Variants in CSMD1 observed in about 807,000 individuals in gnomAD.
CSMD1 encodes CUB and sushi domain-containing protein 1.
In CSMD1, 213 loss-of-function variants were observed where a neutral mutation model predicts 417.5. The observed-to-expected ratio is 0.51, with a 90% CI of 0.46 to 0.57. The LOEUF (loss-of-function observed/expected upper bound fraction) is 0.57, where lower values mean the gene tolerates loss of function less well. Ranked by LOEUF, CSMD1 falls within the 20% of genes least tolerant of loss-of-function variation. The pLI is 0.00. For missense variants in CSMD1, 6,923 were observed against 4,529.7 expected (o/e 1.53, Z -15.17); for synonymous variants, 2,862 against 1,736.8 (o/e 1.65, Z -16.11).
intron 3 of CSMD1, among the ~76,000 whole-genome samples, chr8:4,040,724 G>T (rs112141946): frequency 6.6e-6 from 1 of 152,128 alleles, no homozygotes; most frequent in Admixed American, 6.5e-5. Context: ...CTGCAGGAGA[G>T]ACTGCAGCAA....
chr8:4,797,030 G>A (rs1411858667), intron 1 of CSMD1, among the ~76,000 whole-genome samples: 1 of 152,156 alleles, frequency 6.6e-6, no homozygotes, highest in Non-Finnish European at 1.5e-5. Flanking sequence ...AAGGGAGACT[G>A]TCAGCTAATT....
At chr8:3,426,661 T>A (rs270066) in intron 12 of CSMD1, among the ~76,000 whole-genome samples, 1 of 152,004 alleles carries the variant, frequency 6.6e-6, no homozygotes, top group Admixed American at 6.6e-5. Flanking sequence ...TTTTAAAAAC[T>A]TGTCAACTTA....
At chr8:3,887,456 C>G (rs946782622) in intron 5 of CSMD1, among the ~76,000 whole-genome samples, 2 of 152,156 alleles carry the variant, frequency 1.3e-5, no homozygotes, top group African/African-American at 4.8e-5. Context: ...GAAAGTGGGG[C>G]TAATTTTGTT....
At chr8:3,642,870 A>G (rs954274345) in intron 7 of CSMD1, among the ~76,000 whole-genome samples, 3 of 150,882 alleles carry the variant, frequency 2.0e-5, no homozygotes, top group Non-Finnish European at 3.0e-5. Context: ...TAGATTATAC[A>G]TATATATAGA....
intron 1 of CSMD1, among the ~76,000 whole-genome samples, chr8:4,643,135 G>C (rs951936348): frequency 1.3e-5 from 2 of 152,180 alleles, no homozygotes; most frequent in African/African-American, 4.8e-5. Flanking sequence ...TGTCTCATTG[G>C]AGATAAACAT....
chr8:4,201,036 A>G (rs991188873), intron 3 of CSMD1, among the ~76,000 whole-genome samples: 1 of 152,204 alleles, frequency 6.6e-6, no homozygotes, highest in Non-Finnish European at 1.5e-5. Context: ...GATACTACAG[A>G]GACGAATTCA....
rs543817410 is a variant in CSMD1 at position 4,198,383 on chromosome 8, A to T, written c.416-166284T>A. On this transcript the variant is annotated intron_variant, in intron 3 of 69. Transcript: ENST00000635120. ...AGCCTGAACTTTGTCCTACACTGTGATGGACAGAGACTTTTCAGAATTTTC... is the reference window on the plus strand; with the variant it reads ...AGCCTGAACTTTGTCCTACACTGTGTTGGACAGAGACTTTTCAGAATTTTC... 4.3e-4 allele frequency among the ~76,000 whole-genome samples: 65 copies of T among 152,336 alleles called. 1 individual carries two copies. The South Asian group carries it at 0.013, about 30-fold the overall frequency.
At chr8:3,683,938 A>G (rs928056016) in intron 7 of CSMD1, among the ~76,000 whole-genome samples, 1 of 151,896 alleles carries the variant, frequency 6.6e-6, no homozygotes, top group African/African-American at 2.4e-5. Flanking sequence ...GTTTTAGCAA[A>G]TTTAGGACAA....
chr8:4,131,204 G>A (rs529134361), intron 3 of CSMD1, among the ~76,000 whole-genome samples: 2 of 152,274 alleles, frequency 1.3e-5, no homozygotes, highest in East Asian at 3.9e-4. Context: ...GTTAAATAGA[G>A]ACGCCATTTC....
At chr8:3,710,705 C>G (rs931862790) in intron 6 of CSMD1, among the ~76,000 whole-genome samples, 1 of 152,156 alleles carries the variant, frequency 6.6e-6, no homozygotes, top group African/African-American at 2.4e-5. Flanking sequence ...CGACACTGTG[C>G]AGTATTTTTC....
At chr8:4,794,932 A>T (rs1261783330) in intron 1 of CSMD1, among the ~76,000 whole-genome samples, 3 of 151,996 alleles carry the variant, frequency 2.0e-5, no homozygotes, top group Non-Finnish European at 2.9e-5. Context: ...GAACGCTGGG[A>T]AGGGAGTCCT....
At chr8:4,945,604 A>T (rs1259670994) in intron 1 of CSMD1, among the ~76,000 whole-genome samples, 3 of 152,154 alleles carry the variant, frequency 2.0e-5, no homozygotes, top group Admixed American at 6.5e-5. Context: ...CTGGATAAGA[A>T]ATTCTAAGTG....
chr8:4,939,724 T>C lies in CSMD1; in HGVS notation c.85+54608A>G, dbSNP rs1301430998. 3.3e-5 allele frequency among the ~76,000 whole-genome samples: 5 copies of C among 152,268 alleles called. No individual in the cohort carries two copies. In the East Asian group the frequency reaches 5.8e-4, roughly 18 times the overall value. On this transcript the variant is annotated intron_variant, in intron 1 of 69. Coordinates refer to ENST00000635120, the MANE Select transcript of CSMD1 (RefSeq NM_033225.6). ...ACAAGGAATAATTTCAAGTGATCTATTGTACAGCACAGAGAGTACGTGTGG... is the reference window on the plus strand; with the variant it reads ...ACAAGGAATAATTTCAAGTGATCTACTGTACAGCACAGAGAGTACGTGTGG...
intron 5 of CSMD1, among the ~76,000 whole-genome samples, chr8:3,956,373 G>C (rs1319806879): frequency 6.6e-6 from 1 of 152,298 alleles, no homozygotes; most frequent in African/African-American, 2.4e-5. Flanking sequence ...ACAATTAGAA[G>C]TGAGAGAGCT....
chr8:4,314,589 G>T (rs898146402), intron 3 of CSMD1, among the ~76,000 whole-genome samples: 2 of 124,162 alleles, frequency 1.6e-5, no homozygotes, highest in Admixed American at 1.9e-4. Flanking sequence ...TATGCTACTG[G>T]TTGTATTACA....
chr8:4,552,214 T>A (rs749964003), intron 2 of CSMD1, among the ~76,000 whole-genome samples: 10 of 152,192 alleles, frequency 6.6e-5, no homozygotes, highest in Non-Finnish European at 1.2e-4. Context: ...TGTAGCTTGG[T>A]CTCAATGTGA....
At chr8:4,384,620 A>T (rs999206554) in intron 3 of CSMD1, among the ~76,000 whole-genome samples, 6 of 151,784 alleles carry the variant, frequency 4.0e-5, no homozygotes, top group African/African-American at 1.4e-4. Context: ...AAAATAGAAG[A>T]TTTTTTTTTG....
chr8:2,998,432 C>G (rs1202825583), intron 53 of CSMD1, among the ~76,000 whole-genome samples: 1 of 152,110 alleles, frequency 6.6e-6, no homozygotes, highest in Non-Finnish European at 1.5e-5. Flanking sequence ...CTTTCTTTAC[C>G]ATCATAATTA....
At chr8:4,465,066 C>G (rs1446451460) in intron 2 of CSMD1, among the ~76,000 whole-genome samples, 2 of 152,066 alleles carry the variant, frequency 1.3e-5, no homozygotes, top group Admixed American at 1.3e-4. Context: ...GCATTTCAGA[C>G]TCAGTTTACC....
Sources: gnomAD v4.1 joint callset for allele counts (sites outside exome capture counted in the v4.1 genomes callset) on GRCh38, gnomAD v4.1.1 for gene constraint, MANE v1.5 for transcripts, NCBI Gene and HGNC (gene_info 2026-07-23, HGNC 2026-07-21) for gene names.